The following FSTL5 variants were observed in gnomAD, a reference collection of about 807,000 sequenced individuals.
The protein encoded by FSTL5 is follistatin-related protein 5.
A neutral mutation model predicts 89.1 loss-of-function variants in FSTL5; 62 were observed. That is an observed-to-expected ratio of 0.70 (90% CI 0.57 to 0.86). The LOEUF (loss-of-function observed/expected upper bound fraction) is 0.86. FSTL5 is among the 40% of genes least tolerant of loss of function. FSTL5 has a pLI of 0.00. For missense variants in FSTL5, 1,057 were observed against 1,001.6 expected (o/e 1.06, Z -0.75); for synonymous variants, 383 against 346.2 (o/e 1.11, Z -1.18).
intron 7 of FSTL5, among the ~76,000 whole-genome samples, chr4:161,607,691 A>G (rs1734501827): frequency 6.6e-6 from 1 of 152,148 alleles, no homozygotes; most frequent in Admixed American, 6.6e-5. Context: ...TGGTTTTGAG[A>G]ACCTGAATAA....
At chr4:161,975,480 A>C (rs981788354) in intron 3 of FSTL5, among the ~76,000 whole-genome samples, 1 of 150,326 alleles carries the variant, frequency 6.7e-6, no homozygotes, top group Non-Finnish European at 1.5e-5. Context: ...GGAAATCATC[A>C]TTCTCAGTAA....
chr4:161,533,885 T>C (rs564799843), intron 10 of FSTL5, among the ~76,000 whole-genome samples: 6 of 152,186 alleles, frequency 3.9e-5, no homozygotes, highest in Admixed American at 2.0e-4. Context: ...TAATTCATCA[T>C]GATCAAGTAT....
At chr4:161,486,549 G>C (rs1043557450) in intron 12 of FSTL5, among the ~76,000 whole-genome samples, 5 of 152,156 alleles carry the variant, frequency 3.3e-5, no homozygotes, top group African/African-American at 1.2e-4. Flanking sequence ...GTTTTGCATT[G>C]TTTTACTTTT....
chr4:162,102,527 G>A (rs1048497431), intron 2 of FSTL5, among the ~76,000 whole-genome samples: 1 of 147,284 alleles, frequency 6.8e-6, no homozygotes, highest in African/African-American at 2.5e-5. Flanking sequence ...CAAGTGACCT[G>A]AAACACAGTA....
intron 4 of FSTL5, among the ~76,000 whole-genome samples, chr4:161,777,865 A>G (rs11937221): frequency 0.73 from 111,005 of 151,498 alleles, 40,708 homozygotes; most frequent in Non-Finnish European, 0.76. Context: ...AGGCTGAGGC[A>G]GGGGAATCAC....
intron 6 of FSTL5, among the ~76,000 whole-genome samples, chr4:161,732,602 C>G (rs1274840831): frequency 1.3e-5 from 2 of 151,938 alleles, no homozygotes; most frequent in African/African-American, 4.8e-5. Flanking sequence ...TCTATGCTTT[C>G]TTTGAAAAGT....
intron 4 of FSTL5, among the ~76,000 whole-genome samples, chr4:161,908,307 A>T (rs904484333): frequency 1.3e-5 from 2 of 152,182 alleles, no homozygotes; most frequent in African/African-American, 4.8e-5. Context: ...ACTAAAAAAA[A>T]ATCATATTTG....
At chr4:161,732,727 T>C (rs1455953819) in intron 6 of FSTL5, among the ~76,000 whole-genome samples, 1 of 152,020 alleles carries the variant, frequency 6.6e-6, no homozygotes, top group Non-Finnish European at 1.5e-5. Flanking sequence ...CATATTTATT[T>C]GTTCTAGTAT....
chr4:162,097,579 T>C (rs916019468), intron 2 of FSTL5, among the ~76,000 whole-genome samples: 2 of 151,842 alleles, frequency 1.3e-5, no homozygotes, highest in Non-Finnish European at 2.9e-5. Context: ...TAATTATATA[T>C]ACTTTGTAGT....
intron 6 of FSTL5, among the ~76,000 whole-genome samples, chr4:161,721,656 T>C (rs1366736012): frequency 6.6e-6 from 1 of 152,196 alleles, no homozygotes; most frequent in East Asian, 1.9e-4. Context: ...TTCCTTGTAA[T>C]GCAAGGCATC....
At chr4:161,698,044 G>T (rs941278776) in intron 6 of FSTL5, among the ~76,000 whole-genome samples, 1 of 152,016 alleles carries the variant, frequency 6.6e-6, no homozygotes, top group Admixed American at 6.6e-5. Flanking sequence ...GGCATTAGGA[G>T]ATGAGGCCTT....
intron 8 of FSTL5, among the ~76,000 whole-genome samples, chr4:161,572,317 C>T (rs1733043654): frequency 1.8e-5 from 1 of 54,234 alleles, no homozygotes. Flanking sequence ...GAGACTCCGT[C>T]TAAAAAAAAA....
In FSTL5 at chr4:161,424,069, G is replaced by A. The variant is rs542794586; in HGVS notation, c.1841+30935C>T. ...TTTTTTTGTATTTTTAGTAGAGAAG[G>A]GGTTTCACTGTGTTGGCCAGGATGG... On this transcript the variant is annotated intron_variant, in intron 15 of 15. Coordinates refer to ENST00000306100, the MANE Select transcript of FSTL5 (RefSeq NM_020116.5). Among the ~76,000 whole-genome samples, 11 of 141,942 alleles carry A rather than the reference G, an allele frequency of 7.7e-5. No homozygotes were observed. The East Asian group carries it at 2.1e-3, about 27-fold the overall frequency. 93.1% of individuals were successfully genotyped at this position (141,942 alleles called of 152,430 possible).
intron 6 of FSTL5, among the ~76,000 whole-genome samples, chr4:161,705,989 TATATATAC>T (rs1250843829): frequency 0.014 from 1,347 of 93,520 alleles, 146 homozygotes; most frequent in African/African-American, 0.028. Context: ...TATATATATA[TATATATAC>T]ACACATCTAC....
intron 3 of FSTL5, among the ~76,000 whole-genome samples, chr4:162,030,442 G>T (rs772200237): frequency 1.3e-4 from 20 of 152,080 alleles, no homozygotes; most frequent in Non-Finnish European, 2.2e-4. Flanking sequence ...TCTCTTAATT[G>T]CAGAGTCTTA....
chr4:161,735,356 T>C (rs921717232), intron 6 of FSTL5, among the ~76,000 whole-genome samples: 1 of 152,116 alleles, frequency 6.6e-6, no homozygotes, highest in Non-Finnish European at 1.5e-5. Flanking sequence ...TTTGAGTTTT[T>C]ATGGAGACTT....
chr4:162,077,023 G>GTC (rs1230360227), intron 2 of FSTL5, among the ~76,000 whole-genome samples: 5 of 151,796 alleles, frequency 3.3e-5, no homozygotes, highest in African/African-American at 7.3e-5. Context: ...AGAATCAGCT[G>GTC]CATATACTTG....
chr4:161,908,879 A>G (rs1733612451), intron 4 of FSTL5, among the ~76,000 whole-genome samples: 1 of 152,152 alleles, frequency 6.6e-6, no homozygotes, highest in African/African-American at 2.4e-5. Context: ...CTGTCCATCC[A>G]TACCATGTTT....
rs151222002 is a variant in FSTL5 at position 161,920,823 on chromosome 4, T to G, written c.161-171A>C. On this transcript the variant is annotated intron_variant, in intron 3 of 15. Transcript: ENST00000306100. ...TATATAAATAACTGCACATGAACTT[T>G]CTCAAAATGCTTTCAGTATTCTTCC... 2.0e-5 allele frequency among the ~76,000 whole-genome samples: 3 copies of G among 152,250 alleles called. No homozygotes were observed. The East Asian group carries it at 5.8e-4, about 29-fold the overall frequency.
Sources: gnomAD v4.1 joint callset for allele counts (sites outside exome capture counted in the v4.1 genomes callset) on GRCh38, gnomAD v4.1.1 for gene constraint, MANE v1.5 for transcripts, NCBI Gene and HGNC (gene_info 2026-07-23, HGNC 2026-07-21) for gene names.